KCTD9: variants seen among roughly 807,000 people sequenced by gnomAD.
KCTD9 encodes BTB/POZ domain-containing protein KCTD9.
Under a neutral mutation model 53.3 loss-of-function variants are expected in KCTD9, and 17 were observed. The ratio of observed to expected loss-of-function variants is 0.32; its 90% confidence interval spans 0.22 to 0.48. The LOEUF (loss-of-function observed/expected upper bound fraction) is 0.48. KCTD9 is among the 20% of genes least tolerant of loss of function. The pLI, the probability that KCTD9 is intolerant of heterozygous loss-of-function variation, is 0.99. For synonymous variants in KCTD9, 128 were observed against 162.7 expected, an observed-to-expected ratio of 0.79 and a Z score of 1.62; for missense variants, 179 against 465.5, an observed-to-expected ratio of 0.38 and a Z score of 5.66.
intron 11 of KCTD9, among the ~76,000 whole-genome samples, chr8:25,431,073 C>T (rs1563244254): frequency 1.3e-5 from 2 of 152,072 alleles, no homozygotes; most frequent in South Asian, 2.1e-4. Context: ...TCAAGTGATT[C>T]GCCCACCTTG....
chr8:25,438,070 C>G (rs1280357230), intron 6 of KCTD9, among the ~76,000 whole-genome samples: 1 of 151,960 alleles, frequency 6.6e-6, no homozygotes, highest in Non-Finnish European at 1.5e-5. Context: ...TTTTTGAACA[C>G]TTGAACAAAT....
At chr8:25,452,738 A>G (rs552014817) in intron 1 of KCTD9, among the ~76,000 whole-genome samples, 1 of 152,384 alleles carries the variant, frequency 6.6e-6, no homozygotes, top group African/African-American at 2.4e-5. Context: ...TATAAAGAAA[A>G]TAAACAACCT....
At chr8:25,450,328 C>T (rs1354033545) in intron 1 of KCTD9, 1 of 985,346 alleles carries the variant, frequency 1.0e-6, no homozygotes, top group Non-Finnish European at 1.2e-6. Context: ...TAAAGAAGTA[C>T]ATTCCTGAGC....
intron 3 of KCTD9, among the ~76,000 whole-genome samples, chr8:25,442,799 A>G (rs1442786410): frequency 6.6e-6 from 1 of 152,214 alleles, no homozygotes; most frequent in Admixed American, 6.5e-5. Context: ...TATGAAAAAC[A>G]TTTAACTGTT....
chr8:25,450,496 A>C, intron 1 of KCTD9: 3 of 965,776 alleles, frequency 3.1e-6, no homozygotes, highest in Non-Finnish European at 3.7e-6. Flanking sequence ...CATTAGGGTA[A>C]AAAAATACAC....
At chr8:25,430,653 T>TA (rs1182722864) in intron 11 of KCTD9, among the ~76,000 whole-genome samples, 1 of 152,068 alleles carries the variant, frequency 6.6e-6, no homozygotes, top group Non-Finnish European at 1.5e-5. Context: ...CTAGTAGAAA[T>TA]AAAGTGCACA....
At chr8:25,431,424 AAGAT>A (rs1044594977) in intron 11 of KCTD9, among the ~76,000 whole-genome samples, 5 of 152,134 alleles carry the variant, frequency 3.3e-5, no homozygotes, top group Non-Finnish European at 5.9e-5. Context: ...ACGGAGCAAT[AAGAT>A]AGAGATTCCA....
In KCTD9 at chr8:25,436,502, A is replaced by T. The variant is rs2271113; in HGVS notation, c.500-17T>A. 2.7e-6 allele frequency: 4 copies of T among 1,479,684 alleles called. No individual in the cohort carries two copies. The highest frequency in any genetic ancestry group is 1.4e-5 in the African/African-American group (1 of 70,242). The allele number at this position is 1,479,684 out of a possible 1,614,324, so 91.7% of individuals were successfully genotyped here. ...CTAACACACCTATCAGAACAAAAAT[A>T]ATTCTGAAACAACCTAATTTAGTGA... On this transcript the variant is annotated splice_polypyrimidine_tract_variant and intron_variant, in intron 6 of 11. Transcript: ENST00000221200.
intron 3 of KCTD9, among the ~76,000 whole-genome samples, chr8:25,443,333 A>G (rs185493143): frequency 8.8e-4 from 134 of 152,300 alleles, no homozygotes; most frequent in Non-Finnish European, 1.5e-3. Context: ...GATAATAAGA[A>G]AGCCATAAAA....
intron 11 of KCTD9, among the ~76,000 whole-genome samples, chr8:25,431,377 C>T (rs540620541): frequency 5.3e-5 from 8 of 152,082 alleles, no homozygotes; most frequent in South Asian, 2.1e-4. Flanking sequence ...GTGTAACCAC[C>T]GCAATTTGAA....
At chr8:25,436,130 G>C in intron 8 of KCTD9, 105 bp downstream of exon 8, 1 of 776,540 alleles carries the variant, frequency 1.3e-6, no homozygotes, top group South Asian at 1.6e-5. Flanking sequence ...GATCTTGCAT[G>C]TAAAAGAAAA....
rs1185883530 is a variant in KCTD9 at position 25,428,874 on chromosome 8, T to C, written c.*983A>G. 1 of 152,176 alleles carries C rather than the reference T, an allele frequency of 6.6e-6. No individual in the cohort carries two copies. Among genetic ancestry groups the C allele is most frequent in the Non-Finnish European group, 1.5e-5 (1 of 68,018 alleles). The allele number at this position is 152,176 out of a possible 1,614,324, so 9.4% of individuals were successfully genotyped here. The stretch of plus-strand genomic sequence containing the variant: ...GGCAACTCTACCATATTCACTCATA[T>C]AAGCTTTGATTGCAGTAGCTCTGGA... On this transcript the variant is annotated 3_prime_UTR_variant, in exon 12 of 12. Transcript: ENST00000221200.
intron 1 of KCTD9, among the ~76,000 whole-genome samples, chr8:25,446,677 A>G (rs1802219669): frequency 6.6e-6 from 1 of 152,250 alleles, no homozygotes; most frequent in Non-Finnish European, 1.5e-5. Flanking sequence ...AGAGCTTAGC[A>G]AAGTGCCTGA....
At position 25,428,252 on chromosome 8, in the gene KCTD9, T is replaced by C. The variant is rs1340462940; in HGVS notation, c.*1605A>G. On this transcript the variant is annotated 3_prime_UTR_variant, in exon 12 of 12. Coordinates refer to ENST00000221200, the MANE Select transcript of KCTD9 (RefSeq NM_017634.4). ...GGCACATATTGATTATGAAAATAGA[T>C]TATCTCTCAATACAATACTTCTCTG... 6.6e-6 allele frequency: 1 copy of C among 152,598 alleles called. No homozygotes were observed. Among genetic ancestry groups the C allele is most frequent in the Non-Finnish European group, 1.5e-5 (1 of 68,030 alleles). The allele number at this position is 152,598 out of a possible 1,614,324, so 9.5% of individuals were successfully genotyped here.
intron 6 of KCTD9, 115 bp downstream of exon 6, chr8:25,439,164 T>C: frequency 1.1e-5 from 9 of 814,844 alleles, no homozygotes; most frequent in Non-Finnish European, 1.6e-5. Flanking sequence ...ATAGAAAAAA[T>C]ATATACTTTT....
chr8:25,436,192 G>C lies in KCTD9; in HGVS notation c.663+43C>G, dbSNP rs757720494. On this transcript the variant is annotated intron_variant, in intron 8 of 11. Coordinates refer to ENST00000221200, the MANE Select transcript of KCTD9 (RefSeq NM_017634.4). ...AGAAGAATGTAAAATTTTATTCATA[G>C]ATTTGCTGATAGAAATAATTGATGT... The C allele has an allele frequency of 1.7e-5, 20 of 1,188,318 alleles. No homozygotes were observed. The South Asian group carries it at 1.8e-4, about 11-fold the overall frequency. 73.6% of individuals were successfully genotyped at this position (1,188,318 alleles called of 1,614,324 possible). A position where few individuals can be genotyped will look rare whatever the true frequency, so the allele number is the denominator to read the frequency against.
chr8:25,450,548 A>C (rs1586437498), intron 1 of KCTD9: 192 of 741,892 alleles, frequency 2.6e-4, no homozygotes, highest in Non-Finnish European at 2.9e-4. Context: ...ATGGTGGCTC[A>C]AGCCTGTAAT....
intron 1 of KCTD9, among the ~76,000 whole-genome samples, chr8:25,448,017 G>A (rs1481801674): frequency 1.3e-5 from 2 of 151,910 alleles, no homozygotes; most frequent in Non-Finnish European, 2.9e-5. Flanking sequence ...AGTCTTAGCT[G>A]CTTGGGAGGC....
At position 25,458,193 on chromosome 8, in the gene KCTD9, C is replaced by A. The variant is rs751168687; in HGVS notation, c.48+6G>T. 1.2e-6 allele frequency: 2 copies of A among 1,606,130 alleles called. No homozygotes were observed. The highest frequency in any genetic ancestry group is 8.5e-7 in the Non-Finnish European group (1 of 1,176,722). ...GGCCCGCCGCGCCCCCTCACGCCCC[C>A]GTTACCTTTCCGTTCTTGGGGCTGC... On this transcript the variant is annotated splice_donor_region_variant and intron_variant, in intron 1 of 11. Transcript: ENST00000221200.
Sources: gnomAD v4.1 joint callset for allele counts (sites outside exome capture counted in the v4.1 genomes callset) on GRCh38, gnomAD v4.1.1 for gene constraint, MANE v1.5 for transcripts, NCBI Gene and HGNC (gene_info 2026-07-23, HGNC 2026-07-21) for gene names.